COL20A1: variants seen among roughly 807,000 people sequenced by gnomAD.
COL20A1 encodes the protein collagen alpha-1(XX) chain.
In COL20A1, 164 loss-of-function variants were observed where a neutral mutation model predicts 152.9. The observed-to-expected ratio is 1.07, with a 90% CI of 0.94 to 1.22. COL20A1 has a LOEUF of 1.22. Ranked by LOEUF, COL20A1 falls within the 50% of genes most tolerant of loss-of-function variation. COL20A1 has a pLI of 0.00. For missense variants in COL20A1, 1,873 were observed against 1,744.8 expected, an observed-to-expected ratio of 1.07 and a Z score of -1.31; for synonymous variants, 864 against 756.0, an observed-to-expected ratio of 1.14 and a Z score of -2.34.
At chr20:63,293,467 G>A (rs772788420) in intron 1 of COL20A1, among the ~76,000 whole-genome samples, 192 bp downstream of exon 1, 28 of 152,206 alleles carry the variant, frequency 1.8e-4, no homozygotes, top group Admixed American at 3.9e-4. Flanking sequence ...GTGGGAGCCC[G>A]GGGCTGCCTG....
intron 7 of COL20A1, 23 bp downstream of exon 7, chr20:63,308,113 CCTCT>C: frequency 1.2e-6 from 2 of 1,610,810 alleles, no homozygotes; most frequent in South Asian, 1.1e-5. Context: ...CCTGCCCCTC[CCTCT>C]GTCCTGAGGG....
At chr20:63,326,015 G>A in intron 29 of COL20A1, 81 bp from the exon 30 acceptor site, 1 of 1,264,572 alleles carries the variant, frequency 7.9e-7, no homozygotes, top group Non-Finnish European at 1.2e-6. Context: ...GGTGTGTTGG[G>A]TGCTGCTGGG....
intron 1 of COL20A1, 64 bp from the exon 2 acceptor site, chr20:63,295,034 G>GT: frequency 9.5e-7 from 1 of 1,050,336 alleles, no homozygotes; most frequent in Non-Finnish European, 1.4e-6. Flanking sequence ...AAGCTCTGGC[G>GT]TTGTGGTCAG....
chr20:63,328,310 T>C, intron 33 of COL20A1, 21 bp from the exon 34 acceptor site: 1 of 1,601,362 alleles, frequency 6.2e-7, no homozygotes, highest in African/African-American at 1.3e-5. Flanking sequence ...TGTGTCCTGC[T>C]GACACCCCTC....
intron 21 of COL20A1, 70 bp from the exon 22 acceptor site, chr20:63,318,988 C>G (rs138420668): frequency 2.4e-6 from 3 of 1,250,310 alleles, no homozygotes; most frequent in Non-Finnish European, 3.5e-6. Context: ...GCTGGGCGAG[C>G]GGATCGTTCT....
chr20:63,310,017 G>A, intron 10 of COL20A1, 102 bp downstream of exon 10: 1 of 1,127,040 alleles, frequency 8.9e-7, no homozygotes, highest in Non-Finnish European at 1.2e-6. Flanking sequence ...AAATAACTGG[G>A]TCCAGGCTGA....
rs756757308 is a variant in COL20A1 at position 63,320,293 on chromosome 20, T to TCAGCTC, written c.3082_3087dup (p.Leu1028_Gln1029dup). ...GAGCCGGCTCCCCTGCGTTGCAGTT[T>TCAGCTC]CAGCTCCAGATGCTGCAGATCGTGT... On this transcript the variant is annotated inframe_insertion, in exon 25 of 36. Coordinates refer to ENST00000358894, the MANE Select transcript of COL20A1 (RefSeq NM_020882.4). The TCAGCTC allele has an allele frequency of 5.0e-6, 8 of 1,609,918 alleles. No individual in the cohort carries two copies. In the Admixed American group the frequency reaches 1.3e-4, roughly 27 times the overall value.
chr20:63,297,349 CA>C (rs1417091503), intron 2 of COL20A1, among the ~76,000 whole-genome samples: 2 of 150,102 alleles, frequency 1.3e-5, no homozygotes, highest in African/African-American at 4.9e-5. Flanking sequence ...GGACCCAGCC[CA>C]GGGGACCCAG....
At position 63,309,810 on chromosome 20, in the gene COL20A1, C is replaced by G. The variant is rs370160805; in HGVS notation, c.1158C>G (p.Ser386Arg). The change falls in exon 10 of 36, where the codon AGC (serine) becomes AGG (arginine). Residue 386 changes from serine to arginine, a missense_variant. Transcript: ENST00000358894. ...TLPAPTSLVL[S>R]QVTSSSIRLS... ...CTGCCCCCACCAGCCTGGTCCTGAGCCAGGTGACCTCCTCCAGCATCCGCC... is the reference window on the plus strand; with the variant it reads ...CTGCCCCCACCAGCCTGGTCCTGAGGCAGGTGACCTCCTCCAGCATCCGCC... The G allele has an allele frequency of 4.4e-6, 7 of 1,608,846 alleles. No homozygotes were observed. Among genetic ancestry groups the G allele is most frequent in the Non-Finnish European group, 5.9e-6 (7 of 1,178,222 alleles).
chr20:63,308,512 G>T (rs901174537), intron 7 of COL20A1, 30 bp from the exon 8 acceptor site: 1 of 1,532,074 alleles, frequency 6.5e-7, no homozygotes. Context: ...GCTGGCAGCT[G>T]CCTGTCACTT....
intron 33 of COL20A1, 52 bp downstream of exon 33, chr20:63,328,179 A>G (rs781002505): frequency 1.9e-6 from 3 of 1,601,606 alleles, no homozygotes; most frequent in Non-Finnish European, 2.6e-6. Context: ...ACCTGTGCCT[A>G]CCACACCTGT....
Position 63,326,855 on chromosome 20 carries a change from C to G in COL20A1, c.3528+32C>G, listed in dbSNP as rs748503765. 4 of 1,443,296 alleles carry G rather than the reference C, an allele frequency of 2.8e-6. No homozygotes were observed. In the South Asian group the frequency reaches 4.3e-5, roughly 16 times the overall value. 89.4% of individuals were successfully genotyped at this position (1,443,296 alleles called of 1,614,324 possible). ...GCATTTCCAACACCCACCAGCCAAC[C>G]AAAGGTGGGGGAGCGAAGGGTGCAA... is the stretch of plus-strand genomic sequence containing the variant. On this transcript the variant is annotated intron_variant, in intron 31 of 35. Coordinates refer to ENST00000358894, the MANE Select transcript of COL20A1 (RefSeq NM_020882.4).
At chr20:63,307,290 C>T (rs1319881027) in intron 5 of COL20A1, among the ~76,000 whole-genome samples, 200 bp from the exon 6 acceptor site, 4 of 152,246 alleles carry the variant, frequency 2.6e-5, no homozygotes, top group Non-Finnish European at 5.9e-5. Context: ...GGCTGCCTCA[C>T]ATTAGCGGTG....
rs929706274 is a variant in COL20A1 at position 63,311,076 on chromosome 20, C to T, written c.1394-318C>T. On this transcript the variant is annotated intron_variant, in intron 11 of 35. Transcript: ENST00000358894. The surrounding 1 kb of genome is among the most constrained non-coding windows in gnomAD (Gnocchi z 4.4). Reference sequence around the variant, plus strand: ...TGTCTCTGGATGTGCCTGTCCCAGACGTTTCCTGCAGGTGGAATCACACAG... The same window carrying T: ...TGTCTCTGGATGTGCCTGTCCCAGATGTTTCCTGCAGGTGGAATCACACAG... Among the ~76,000 whole-genome samples, 2 of 151,876 alleles carry T rather than the reference C, an allele frequency of 1.3e-5. No homozygotes were observed. The highest frequency in any genetic ancestry group is 2.4e-5 in the African/African-American group (1 of 41,320).
chr20:63,321,139 C>T, intron 26 of COL20A1, 40 bp downstream of exon 26: 2 of 1,352,312 alleles, frequency 1.5e-6, no homozygotes, highest in Admixed American at 2.0e-5. Context: ...CCAGGGAACA[C>T]TGGCCAATGT....
chr20:63,325,986 T>G, intron 29 of COL20A1, 110 bp from the exon 30 acceptor site: 3 of 1,023,004 alleles, frequency 2.9e-6, no homozygotes, highest in Non-Finnish European at 4.6e-6. Flanking sequence ...CTGCCTCACC[T>G]TTGCTGCTTG....
chr20:63,329,131 G>A (rs2068298208), intron 34 of COL20A1: 2 of 185,358 alleles, frequency 1.1e-5, no homozygotes, highest in African/African-American at 2.4e-5. Flanking sequence ...TCGGGCATCG[G>A]CTGAATCCCA....
At chr20:63,316,485 G>A in intron 20 of COL20A1, 68 bp from the exon 21 acceptor site, 4 of 1,362,924 alleles carry the variant, frequency 2.9e-6, no homozygotes, top group Non-Finnish European at 4.0e-6. Flanking sequence ...CCCCGCTCCT[G>A]CCCCTTCCTC....
chr20:63,327,923 G>T, intron 31 of COL20A1, 29 bp from the exon 32 acceptor site: 1 of 1,579,230 alleles, frequency 6.3e-7, no homozygotes, highest in South Asian at 1.2e-5. Context: ...CATCTCTGCT[G>T]ACTTCTTTTC....
Sources: gnomAD v4.1 joint callset for allele counts (sites outside exome capture counted in the v4.1 genomes callset) on GRCh38, gnomAD v4.1.1 for gene constraint, Gnocchi (gnomAD v3.1) non-coding constraint, MANE v1.5 for transcripts, NCBI Gene and HGNC (gene_info 2026-07-23, HGNC 2026-07-21) for gene names.